Variants in SOX10 observed in about 807,000 individuals in gnomAD.
SOX10 encodes transcription factor SOX-10.
SOX10 carries 3 observed loss-of-function variants against 35.0 expected under a neutral mutation model. The ratio of observed to expected loss-of-function variants is 0.09; its 90% confidence interval spans 0.04 to 0.22. The LOEUF is 0.22. Ranked by LOEUF, SOX10 falls within the 10% of genes least tolerant of loss-of-function variation. SOX10 has a pLI of 1.00. For synonymous variants in SOX10, 285 were observed against 291.0 expected (o/e 0.98, Z 0.21); for missense variants, 436 against 655.1 (o/e 0.67, Z 3.65).
At position 37,978,381 on chromosome 22, in the gene SOX10, G is replaced by A. The variant is rs908923105; in HGVS notation, c.429-246C>T. Among the ~76,000 whole-genome samples the A allele has an allele frequency of 5.9e-5, 9 of 152,368 alleles. No individual in the cohort carries two copies. Among genetic ancestry groups the A allele is most frequent in the African/African-American group, 1.9e-4 (8 of 41,582 alleles). On this transcript the variant is annotated intron_variant, in intron 2 of 3. Transcript: ENST00000396884. The surrounding 1 kb of genome is among the most constrained non-coding windows in gnomAD (Gnocchi z 5.0). Reference sequence around the variant, plus strand: ...TTTCATGGGCTGGAGGGTGAGAGAGGGGTCAGCCCGCTGCTCCTGGCAGCC... The same window carrying A: ...TTTCATGGGCTGGAGGGTGAGAGAGAGGTCAGCCCGCTGCTCCTGGCAGCC...
In SOX10 at chr22:37,983,845, C is replaced by T; in HGVS notation, c.-61G>A. On this transcript the variant is annotated 5_prime_UTR_variant, in exon 2 of 4. Coordinates refer to ENST00000396884, the MANE Select transcript of SOX10 (RefSeq NM_006941.4). The surrounding 1 kb of genome is among the most constrained non-coding windows in gnomAD (Gnocchi z 9.5). ...CCTCCCCCGGGCCAGCCGCCGGGGT[C>T]CTCGCAAAGAGTCCAACGCCCACCT... The T allele has an allele frequency of 7.6e-7, 1 of 1,317,974 alleles. No individual in the cohort carries two copies. The highest frequency in any genetic ancestry group is 9.7e-7 in the Non-Finnish European group (1 of 1,028,824). 81.6% of individuals were successfully genotyped at this position (1,317,974 alleles called of 1,614,324 possible).
At chr22:37,982,739 C>T (rs73415873) in intron 2 of SOX10, among the ~76,000 whole-genome samples, 1 of 151,940 alleles carries the variant, frequency 6.6e-6, no homozygotes, top group Non-Finnish European at 1.5e-5. Context: ...TACTGTGTGT[C>T]CTCTCCCTAG....
intron 2 of SOX10, among the ~76,000 whole-genome samples, chr22:37,982,196 AG>A (rs1408282062): frequency 6.6e-6 from 1 of 152,208 alleles, no homozygotes; most frequent in Non-Finnish European, 1.5e-5. Context: ...CACCAGGGTC[AG>A]GGGAAGTCCT....
rs918624435 is a variant in SOX10 at position 37,972,593 on chromosome 22, C to T, written c.*902G>A. The T allele has an allele frequency of 1.4e-5, 3 of 218,292 alleles. No homozygotes were observed. Among genetic ancestry groups the T allele is most frequent in the Non-Finnish European group, 2.8e-5 (3 of 107,394 alleles). The allele number at this position is 218,292 out of a possible 1,614,324, so 13.5% of individuals were successfully genotyped here. ...GCAACCTGGGTGCTGGGCCCTGTGT[C>T]TCCTGGAGCCAAGGGTTAGGGCCTG... is the stretch of plus-strand genomic sequence containing the variant. On this transcript the variant is annotated 3_prime_UTR_variant, in exon 4 of 4. Transcript: ENST00000396884.
rs532866590 is a variant in SOX10, at chr22:37,984,147, C to G, written c.-85+192G>C. On this transcript the variant is annotated intron_variant, in intron 1 of 3. Transcript: ENST00000396884. This position sits in a 1 kb window ranked among gnomAD's most constrained non-coding sequence, Gnocchi z 4.4. ...GATGATAAGGAAGAAAAAAACGGAG[C>G]CTTTATTTTGCTCTAATCCCGGCCC... 8 of 174,110 alleles carry G rather than the reference C, an allele frequency of 4.6e-5. No individual in the cohort carries two copies. The highest frequency in any genetic ancestry group is 1.6e-4 in the East Asian group (1 of 6,312). 10.8% of individuals were successfully genotyped at this position (174,110 alleles called of 1,614,324 possible).
Position 37,983,270 on chromosome 22 carries a change from T to G in SOX10, c.428+87A>C. The G allele has an allele frequency of 7.0e-7, 1 of 1,437,464 alleles. No homozygotes were observed. The highest frequency in any genetic ancestry group is 9.5e-7 in the Non-Finnish European group (1 of 1,053,172). The allele number at this position is 1,437,464 out of a possible 1,614,324, so 89.0% of individuals were successfully genotyped here. ...GGAGGACTGCCAGACAGTCCCGCTC[T>G]GAGGTGCAGGAGGCCGGGCCGCCTC... On this transcript the variant is annotated intron_variant, in intron 2 of 3. Transcript: ENST00000396884. The surrounding 1 kb of genome is among the most constrained non-coding windows in gnomAD (Gnocchi z 9.5).
Position 37,978,316 on chromosome 22 carries a change from G to A in SOX10, c.429-181C>T, listed in dbSNP as rs566335070. On this transcript the variant is annotated intron_variant, in intron 2 of 3. Coordinates refer to ENST00000396884, the MANE Select transcript of SOX10 (RefSeq NM_006941.4). The surrounding 1 kb of genome is among the most constrained non-coding windows in gnomAD (Gnocchi z 5.0). ...ATGATTTGTGGACTGAGAGATGTGA[G>A]GCCCAAGGAATAACAGCCTCAGAGG... 2.6e-5 allele frequency among the ~76,000 whole-genome samples: 4 copies of A among 152,338 alleles called. No individual in the cohort carries two copies. Among genetic ancestry groups the A allele is most frequent in the African/African-American group, 9.6e-5 (4 of 41,580 alleles).
chr22:37,982,268 G>T (rs551467098), intron 2 of SOX10, among the ~76,000 whole-genome samples: 9 of 152,200 alleles, frequency 5.9e-5, no homozygotes, highest in Non-Finnish European at 1.2e-4. Context: ...ACTTCTATGT[G>T]ACCTTTGTGA....
Position 37,974,227 on chromosome 22 carries a change from G to A in SOX10, c.698-29C>T. 1.3e-6 allele frequency: 2 copies of A among 1,556,934 alleles called. No individual in the cohort carries two copies. Among genetic ancestry groups the A allele is most frequent in the Non-Finnish European group, 1.7e-6 (2 of 1,145,414 alleles). On this transcript the variant is annotated intron_variant, in intron 3 of 3. Coordinates refer to ENST00000396884, the MANE Select transcript of SOX10 (RefSeq NM_006941.4). This position sits in a 1 kb window ranked among gnomAD's most constrained non-coding sequence, Gnocchi z 5.4. ...GGTAGAAGGGAGACAGAGAGAGAGA[G>A]CGCAAGGGGGAAGCAGGTTAGAGGC...
In SOX10 at chr22:37,983,473, G is replaced by A; in HGVS notation, c.312C>T (p.Val104=). The part of the protein sequence containing the change: ...VNGASKSKPH[V]KRPMNAFMVW... ...CCATGAAGGCGTTCATGGGCCGCTT[G>A]ACGTGCGGCTTGCTTTTGCTGGCGC... The change falls in exon 2 of 4, where the codon GTC becomes GTT. Residue 104 remains valine (V), a synonymous_variant. Coordinates refer to ENST00000396884, the MANE Select transcript of SOX10 (RefSeq NM_006941.4). The surrounding 1 kb of genome is among the most constrained non-coding windows in gnomAD (Gnocchi z 9.5). 1 of 1,612,320 alleles carries A rather than the reference G, an allele frequency of 6.2e-7. No individual in the cohort carries two copies. Among genetic ancestry groups the A allele is most frequent in the Non-Finnish European group, 8.5e-7 (1 of 1,179,528 alleles).
Position 37,973,361 on chromosome 22 carries a change from G to T in SOX10, c.*134C>A. 1 of 643,186 alleles carries T rather than the reference G, an allele frequency of 1.6e-6. No individual in the cohort carries two copies. The highest frequency in any genetic ancestry group is 2.0e-5 in the South Asian group (1 of 49,632). 39.8% of individuals were successfully genotyped at this position (643,186 alleles called of 1,614,324 possible). Reference sequence around the variant, plus strand: ...ATCAGGGCAGTGAGCCAGACAGAAAGCCCCCCGACCTGTCAGCCTCTTCAG... The same window carrying T: ...ATCAGGGCAGTGAGCCAGACAGAAATCCCCCCGACCTGTCAGCCTCTTCAG... On this transcript the variant is annotated 3_prime_UTR_variant, in exon 4 of 4. Coordinates refer to ENST00000396884, the MANE Select transcript of SOX10 (RefSeq NM_006941.4).
chr22:37,982,304 C>G (rs1004478080), intron 2 of SOX10, among the ~76,000 whole-genome samples: 1 of 152,166 alleles, frequency 6.6e-6, no homozygotes, highest in Non-Finnish European at 1.5e-5. Context: ...GGGCCTGTCT[C>G]TTGGTCAGTC....
Position 37,973,475 on chromosome 22 carries a change from T to C in SOX10, c.*20A>G. The C allele has an allele frequency of 6.9e-7, 1 of 1,458,024 alleles. No individual in the cohort carries two copies. The highest frequency in any genetic ancestry group is 9.3e-7 in the Non-Finnish European group (1 of 1,074,026). The allele number at this position is 1,458,024 out of a possible 1,614,324, so 90.3% of individuals were successfully genotyped here. A position where few individuals can be genotyped will look rare whatever the true frequency, so the allele number is the denominator to read the frequency against. On this transcript the variant is annotated 3_prime_UTR_variant, in exon 4 of 4. Transcript: ENST00000396884. ...CTGGGGGCAGGGGCTGGGCGGGGGG[T>C]GGTGGCGACAGGGCCCCCTTTAGGG...
chr22:37,983,770 C>G lies in SOX10; in HGVS notation c.15G>C (p.Gln5His), dbSNP rs1256220050. 3 of 1,470,102 alleles carry G rather than the reference C, an allele frequency of 2.0e-6. No individual in the cohort carries two copies. The Admixed American group carries it at 6.8e-5, about 34-fold the overall frequency. 91.1% of individuals were successfully genotyped at this position (1,470,102 alleles called of 1,614,324 possible). A position where few individuals can be genotyped will look rare whatever the true frequency, so the allele number is the denominator to read the frequency against. The change falls in exon 2 of 4, where the codon CAG becomes CAC. Residue 5 changes from glutamine to histidine, a missense_variant. Gln to His is a conservative substitution (Grantham distance 24). Transcript: ENST00000396884. This position sits in a 1 kb window ranked among gnomAD's most constrained non-coding sequence, Gnocchi z 9.5. MAEE[Q>H]DLSEVELSPV... ...GGCTCAGCTCCACCTCCGATAGGTC[C>G]TGCTCCTCCGCCATGTCGCCCCCGG...
Position 37,973,491 on chromosome 22 carries a change from C to G in SOX10, c.*4G>C. The G allele has an allele frequency of 6.4e-7, 1 of 1,571,358 alleles. No individual in the cohort carries two copies. The highest frequency in any genetic ancestry group is 8.7e-7 in the Non-Finnish European group (1 of 1,155,740). Reference sequence around the variant, plus strand: ...GGCGGGGGGTGGTGGCGACAGGGCCCCCTTTAGGGCCGGGACAGTGTCGTA... The same window carrying G: ...GGCGGGGGGTGGTGGCGACAGGGCCGCCTTTAGGGCCGGGACAGTGTCGTA... On this transcript the variant is annotated 3_prime_UTR_variant, in exon 4 of 4. Coordinates refer to ENST00000396884, the MANE Select transcript of SOX10 (RefSeq NM_006941.4).
At position 37,978,277 on chromosome 22, in the gene SOX10, G is replaced by A; in HGVS notation, c.429-142C>T. 1.1e-6 allele frequency: 1 copy of A among 876,760 alleles called. No individual in the cohort carries two copies. Among genetic ancestry groups the A allele is most frequent in the South Asian group, 1.9e-5 (1 of 53,414 alleles). The allele number at this position is 876,760 out of a possible 1,614,324, so 54.3% of individuals were successfully genotyped here. On this transcript the variant is annotated intron_variant, in intron 2 of 3. Transcript: ENST00000396884. The surrounding 1 kb of genome is among the most constrained non-coding windows in gnomAD (Gnocchi z 5.0). ...GCACCCAGAGGACAGGACCCGGGGT[G>A]GGGGCTGTGCCCTATGATTTGTGGA...
In SOX10 at chr22:37,983,330, G is replaced by C; in HGVS notation, c.428+27C>G. The C allele has an allele frequency of 6.3e-7, 1 of 1,591,136 alleles. No homozygotes were observed. The highest frequency in any genetic ancestry group is 1.8e-5 in the Admixed American group (1 of 56,942). On this transcript the variant is annotated intron_variant, in intron 2 of 3. Coordinates refer to ENST00000396884, the MANE Select transcript of SOX10 (RefSeq NM_006941.4). The surrounding 1 kb of genome is among the most constrained non-coding windows in gnomAD (Gnocchi z 9.5). ...GAATCCACCCGAAGCTAGAGGGCCC[G>C]AGCCCGGGGGGCGGTCGGGTGCTCA... is the stretch of plus-strand genomic sequence containing the variant.
At position 37,983,811 on chromosome 22, in the gene SOX10, C is replaced by CCGT. The variant is rs1406872650; in HGVS notation, c.-28_-27insACG. ...TCGCCCCCGGCCGCCGCCGCCGCCGCCTCGGCCGCCTCCCCCGGGCCAGCC... is the reference window on the plus strand; with the variant it reads ...TCGCCCCCGGCCGCCGCCGCCGCCGCCGTCTCGGCCGCCTCCCCCGGGCCAGCC... On this transcript the variant is annotated 5_prime_UTR_variant, in exon 2 of 4. Coordinates refer to ENST00000396884, the MANE Select transcript of SOX10 (RefSeq NM_006941.4). This position sits in a 1 kb window ranked among gnomAD's most constrained non-coding sequence, Gnocchi z 9.5. 1.4e-6 allele frequency: 2 copies of CCGT among 1,406,916 alleles called. No individual in the cohort carries two copies. The highest frequency in any genetic ancestry group is 3.1e-5 in the African/African-American group (2 of 65,212). The allele number at this position is 1,406,916 out of a possible 1,614,324, so 87.2% of individuals were successfully genotyped here.
Position 37,984,158 on chromosome 22 carries a change from C to T in SOX10, c.-85+181G>A. 1 of 166,696 alleles carries T rather than the reference C, an allele frequency of 6.0e-6. No individual in the cohort carries two copies. Among genetic ancestry groups the T allele is most frequent in the South Asian group, 1.9e-4 (1 of 5,186 alleles). 10.3% of individuals were successfully genotyped at this position (166,696 alleles called of 1,614,324 possible). A position where few individuals can be genotyped will look rare whatever the true frequency, so the allele number is the denominator to read the frequency against. On this transcript the variant is annotated intron_variant, in intron 1 of 3. Coordinates refer to ENST00000396884, the MANE Select transcript of SOX10 (RefSeq NM_006941.4). The surrounding 1 kb of genome is among the most constrained non-coding windows in gnomAD (Gnocchi z 4.4). ...AGAAAAAAACGGAGCCTTTATTTTG[C>T]TCTAATCCCGGCCCCTGGAATTTCC...
Sources: allele counts gnomAD v4.1 joint callset (sites outside exome capture counted in the v4.1 genomes callset), GRCh38; gene constraint gnomAD v4.1.1; non-coding constraint Gnocchi (gnomAD v3.1); transcripts MANE v1.5; gene names NCBI Gene and HGNC (gene_info 2026-07-23, HGNC 2026-07-21).